The following CNTN5 variants were observed in gnomAD, a reference collection of about 807,000 sequenced individuals.
The protein encoded by CNTN5 is contactin 5, also known as contactin-5.
A neutral mutation model predicts 129.1 loss-of-function variants in CNTN5; 77 were observed. The ratio of observed to expected loss-of-function variants is 0.60; its 90% CI spans 0.50 to 0.72. The LOEUF is 0.72. Ranked by LOEUF, CNTN5 falls within the 30% of genes least tolerant of loss-of-function variation. The probability of loss-of-function intolerance (pLI) is 0.00; values close to 1 mark genes in which losing one functional copy is unlikely to be tolerated. For missense variants in CNTN5, 1,478 were observed against 1,328.8 expected, an observed-to-expected ratio of 1.11 and a Z score of -1.75; for synonymous variants, 509 against 465.6, an observed-to-expected ratio of 1.09 and a Z score of -1.20.
chr11:100,235,949 G>A (rs1202001361), intron 16 of CNTN5, among the ~76,000 whole-genome samples: 1 of 152,064 alleles, frequency 6.6e-6, no homozygotes, highest in African/African-American at 2.4e-5. Context: ...CGAATGAAAT[G>A]AGTACTCAGA....
intron 8 of CNTN5, among the ~76,000 whole-genome samples, 193 bp downstream of exon 8, chr11:99,957,202 G>A (rs991542288): frequency 2.0e-5 from 3 of 152,064 alleles, no homozygotes; most frequent in African/African-American, 7.2e-5. Context: ...AGAAATTGAT[G>A]ATCCATGGTT....
At chr11:99,837,783 C>T (rs1947354240) in intron 4 of CNTN5, among the ~76,000 whole-genome samples, 1 of 150,720 alleles carries the variant, frequency 6.6e-6, no homozygotes, top group East Asian at 2.0e-4. Context: ...AAAGTGGGCT[C>T]TTAGGAAATA....
At chr11:99,439,290 CTG>C (rs148178714) in intron 2 of CNTN5, among the ~76,000 whole-genome samples, 1 of 150,944 alleles carries the variant, frequency 6.6e-6, no homozygotes, top group Non-Finnish European at 1.5e-5. Flanking sequence ...GTGTAGATCT[CTG>C]TGTGTGTGTG....
chr11:99,948,081 A>C lies in CNTN5; in HGVS notation c.674-8725A>C, dbSNP rs538235622. Among the ~76,000 whole-genome samples, 128 of 152,320 alleles carry C rather than the reference A, an allele frequency of 8.4e-4. 2 individuals carry two copies. In the South Asian group the frequency reaches 8.7e-3, roughly 10 times the overall value. On this transcript the variant is annotated intron_variant, in intron 7 of 24. Transcript: ENST00000524871. The stretch of plus-strand genomic sequence containing the variant: ...GAGGTCTTAATTTTCCTTCATTTGG[A>C]ATACTGTCCAAGATTAAACCTTTCT...
At chr11:99,151,537 A>G (rs1860058167) in intron 1 of CNTN5, among the ~76,000 whole-genome samples, 1 of 152,166 alleles carries the variant, frequency 6.6e-6, no homozygotes, top group Non-Finnish European at 1.5e-5. Context: ...TTCCGGTAAT[A>G]CAGTGTATCT....
intron 1 of CNTN5, among the ~76,000 whole-genome samples, chr11:99,292,529 G>A (rs575302219): frequency 1.3e-4 from 20 of 152,168 alleles, no homozygotes; most frequent in African/African-American, 4.8e-4. Flanking sequence ...GGTGAAAGTG[G>A]GCATCCTTGT....
At chr11:99,254,382 A>G (rs547647758) in intron 1 of CNTN5, among the ~76,000 whole-genome samples, 4 of 152,044 alleles carry the variant, frequency 2.6e-5, no homozygotes, top group African/African-American at 9.6e-5. Context: ...GCCGAAATAC[A>G]TCATGGAAAC....
intron 3 of CNTN5, among the ~76,000 whole-genome samples, chr11:99,645,007 C>G (rs1202389737): frequency 6.6e-6 from 1 of 151,276 alleles, no homozygotes; most frequent in African/African-American, 2.4e-5. Flanking sequence ...TGGCTTATGC[C>G]TGTAATCCCA....
At chr11:99,968,301 A>G (rs907300376) in intron 8 of CNTN5, among the ~76,000 whole-genome samples, 3 of 152,150 alleles carry the variant, frequency 2.0e-5, no homozygotes, top group Admixed American at 6.6e-5. Context: ...ACAGTGGGGG[A>G]AAAATGTAGA....
intron 2 of CNTN5, among the ~76,000 whole-genome samples, chr11:99,554,618 A>G (rs1268600322): frequency 6.6e-6 from 1 of 152,150 alleles, no homozygotes; most frequent in Non-Finnish European, 1.5e-5. Context: ...ACTGAGCACA[A>G]GCTCATAAAA....
At chr11:100,296,695 C>T (rs763552968) in intron 18 of CNTN5, among the ~76,000 whole-genome samples, 1 of 151,436 alleles carries the variant, frequency 6.6e-6, no homozygotes, top group African/African-American at 2.4e-5. Context: ...TCTTCCTTTC[C>T]AGGAGTATAT....
intron 3 of CNTN5, among the ~76,000 whole-genome samples, chr11:99,769,000 C>G (rs1025269643): frequency 6.6e-6 from 1 of 151,220 alleles, no homozygotes. Flanking sequence ...TATGACCTGG[C>G]ATTCCTCTGT....
intron 1 of CNTN5, among the ~76,000 whole-genome samples, chr11:99,108,499 G>T (rs1300664623): frequency 6.6e-6 from 1 of 152,128 alleles, no homozygotes; most frequent in Non-Finnish European, 1.5e-5. Context: ...GTTACTGGAA[G>T]TGTAGTAAAT....
chr11:99,314,467 T>A (rs1221701065), intron 1 of CNTN5, among the ~76,000 whole-genome samples: 1 of 152,090 alleles, frequency 6.6e-6, no homozygotes, highest in African/African-American at 2.4e-5. Context: ...CTACTTTCAC[T>A]TGTTCGGTAG....
intron 2 of CNTN5, among the ~76,000 whole-genome samples, chr11:99,348,235 A>G (rs1323823223): frequency 6.6e-6 from 1 of 152,110 alleles, no homozygotes; most frequent in East Asian, 1.9e-4. Flanking sequence ...GCTACTTGGG[A>G]GGCTGAGGCA....
chr11:99,309,828 T>C (rs1162085045), intron 1 of CNTN5, among the ~76,000 whole-genome samples: 1 of 152,198 alleles, frequency 6.6e-6, no homozygotes. Context: ...TTTAAAAATT[T>C]AACTATTAAT....
rs77499337 is a variant in CNTN5 at position 99,514,125 on chromosome 11, G to A, written c.-70-42020G>A. Among the ~76,000 whole-genome samples the A allele has an allele frequency of 1.3e-3, 199 of 152,176 alleles. 1 individual carries two copies. The highest frequency in any genetic ancestry group is 4.6e-3 in the African/African-American group (191 of 41,528). ...TGAATTTTAGGGGTCCAAGACTTCG[G>A]TGGAGGAAGTAACTGCAGATGTGAT... On this transcript the variant is annotated intron_variant, in intron 2 of 24. Coordinates refer to ENST00000524871, the MANE Select transcript of CNTN5 (RefSeq NM_014361.4).
chr11:99,587,110 A>C (rs925477425), intron 3 of CNTN5, among the ~76,000 whole-genome samples: 1 of 152,146 alleles, frequency 6.6e-6, no homozygotes, highest in Non-Finnish European at 1.5e-5. Flanking sequence ...GTCATATTGC[A>C]ATGAAGTCAT....
At chr11:99,741,904 A>G (rs1251480101) in intron 3 of CNTN5, among the ~76,000 whole-genome samples, 1 of 152,100 alleles carries the variant, frequency 6.6e-6, no homozygotes, top group Non-Finnish European at 1.5e-5. Flanking sequence ...GTAAGGTTGT[A>G]AGTACTAATT....
Sources: allele counts gnomAD v4.1 joint callset (sites outside exome capture counted in the v4.1 genomes callset), GRCh38; gene constraint gnomAD v4.1.1; transcripts MANE v1.5; gene names NCBI Gene and HGNC (gene_info 2026-07-23, HGNC 2026-07-21).